The following NAA35 variants were observed in gnomAD, a reference collection of about 807,000 sequenced individuals.
The protein encoded by NAA35 is N-alpha-acetyltransferase 35, NatC auxiliary subunit, also known as MAK10 homolog, amino-acid N-acetyltransferase subunit.
In NAA35, 18 loss-of-function variants were observed where a neutral mutation model predicts 101.7. That is an observed-to-expected ratio of 0.18 (90% CI 0.12 to 0.26). The LOEUF is 0.26. Among genes scored for constraint, NAA35 ranks in the 10% least tolerant of loss-of-function variants. NAA35 has a pLI of 1.00. For missense variants in NAA35, 601 were observed against 886.8 expected, an observed-to-expected ratio of 0.68 and a Z score of 4.09; for synonymous variants, 267 against 273.1, an observed-to-expected ratio of 0.98 and a Z score of 0.22.
rs375174629 is a variant in NAA35, at chr9:86,004,215, G to A, written c.1116+571G>A. 2.0e-5 allele frequency among the ~76,000 whole-genome samples: 3 copies of A among 152,050 alleles called. No homozygotes were observed. The East Asian group carries it at 5.8e-4, about 29-fold the overall frequency. On this transcript the variant is annotated intron_variant, in intron 13 of 22. Transcript: ENST00000361671. ...CGCCTCCCGGGTTCAAGTGATTCTT[G>A]TGCCTCAGCCTATCAAGTAGCTGGG...
chr9:85,941,199 C>G lies in NAA35; in HGVS notation c.-80C>G. 4.1e-6 allele frequency: 4 copies of G among 986,744 alleles called. No homozygotes were observed. The highest frequency in any genetic ancestry group is 4.8e-6 in the Non-Finnish European group (4 of 830,856). 61.1% of individuals were successfully genotyped at this position (986,744 alleles called of 1,614,324 possible). On this transcript the variant is annotated 5_prime_UTR_variant, in exon 1 of 23. Transcript: ENST00000361671. Reference sequence around the variant, plus strand: ...GCTGGGCTGAGAGGGGAGGGGGCGGCGGCGGCCGAGGCGGCGTCGTTATTT... The same window carrying G: ...GCTGGGCTGAGAGGGGAGGGGGCGGGGGCGGCCGAGGCGGCGTCGTTATTT...
At chr9:85,991,803 T>C (rs1587628367) in intron 11 of NAA35, among the ~76,000 whole-genome samples, 1 of 152,254 alleles carries the variant, frequency 6.6e-6, no homozygotes. Context: ...TTTATAAATG[T>C]GATTGTTAAG....
Position 86,022,726 on chromosome 9 carries a change from G to A in NAA35, c.*766G>A, listed in dbSNP as rs1472425606. On this transcript the variant is annotated 3_prime_UTR_variant, in exon 23 of 23. Coordinates refer to ENST00000361671, the MANE Select transcript of NAA35 (RefSeq NM_024635.4). ...TTTAACCCATGAAACATTTTCAAATGGGTGTCTGTTCAGTATCCTCTGGCT... is the reference window on the plus strand; with the variant it reads ...TTTAACCCATGAAACATTTTCAAATAGGTGTCTGTTCAGTATCCTCTGGCT... Among the ~76,000 whole-genome samples, 3 of 152,156 alleles carry A rather than the reference G, an allele frequency of 2.0e-5. No homozygotes were observed. Among genetic ancestry groups the A allele is most frequent in the Non-Finnish European group, 4.4e-5 (3 of 68,018 alleles).
At chr9:85,974,852 C>G (rs753990207) in intron 6 of NAA35, 115 bp from the exon 7 acceptor site, 14 of 727,812 alleles carry the variant, frequency 1.9e-5, no homozygotes, top group Middle Eastern at 7.8e-4. Context: ...CCTCCCATTT[C>G]TCTTTGTTTA....
intron 11 of NAA35, among the ~76,000 whole-genome samples, chr9:85,987,549 T>C (rs1320146787): frequency 6.6e-6 from 1 of 152,212 alleles, no homozygotes; most frequent in Non-Finnish European, 1.5e-5. Context: ...AGTTCAAAAT[T>C]TTTTCTGTTT....
intron 2 of NAA35, among the ~76,000 whole-genome samples, chr9:85,946,570 T>G (rs750792229): frequency 1.3e-5 from 2 of 152,190 alleles, no homozygotes; most frequent in Non-Finnish European, 2.9e-5. Context: ...TGGCTTAGTT[T>G]AAGCTTCTCC....
intron 5 of NAA35, among the ~76,000 whole-genome samples, chr9:85,960,939 G>GTGAAAA (rs1271894821): frequency 6.6e-6 from 1 of 152,190 alleles, no homozygotes; most frequent in Admixed American, 6.5e-5. Flanking sequence ...GCATGACAAT[G>GTGAAAA]TGAAAATGTT....
rs371608105 is a variant in NAA35 at position 85,975,162 on chromosome 9, A to T, written c.627+5A>T. 1.2e-6 allele frequency: 2 copies of T among 1,612,342 alleles called. No homozygotes were observed. Among genetic ancestry groups the T allele is most frequent in the Non-Finnish European group, 1.7e-6 (2 of 1,179,414 alleles). On this transcript the variant is annotated splice_donor_5th_base_variant and intron_variant, in intron 8 of 22. Coordinates refer to ENST00000361671, the MANE Select transcript of NAA35 (RefSeq NM_024635.4). ...GACATGCAAAGAAGAGTAAAGGTAT[A>T]TATGTTTTCTGTTTGGTGTGGGGTT... is the stretch of plus-strand genomic sequence containing the variant.
intron 22 of NAA35, 90 bp downstream of exon 22, chr9:86,021,059 A>AT: frequency 5.4e-6 from 5 of 924,464 alleles, no homozygotes; most frequent in Non-Finnish European, 8.0e-6. Context: ...TACAGGAAAA[A>AT]TTAAACCACT....
chr9:86,016,620 A>G lies in NAA35; in HGVS notation c.1650A>G (p.Ile550Met). The G allele has an allele frequency of 6.2e-7, 1 of 1,614,046 alleles. No homozygotes were observed. Residue 550 changes from isoleucine (I) to methionine (M), a missense_variant, in exon 18 of 23, where the codon ATA (isoleucine) becomes ATG (methionine). By Grantham distance (10) the Ile-to-Met change is conservative (BLOSUM62 1). Around this residue, in one of 8 missense-constraint regions of NAA35, gnomAD observed 99 missense variants for 206.7 expected, o/e 0.48. Transcript: ENST00000361671. ...ADGSQMAEER[I>M]MEEQQKGRSS... ...GCTCTCAAATGGCAGAGGAAAGGAT[A>G]ATGGAAGAGCAGCAGAAAGGCCGTA...
At chr9:85,969,214 G>A (rs1362558020) in intron 6 of NAA35, among the ~76,000 whole-genome samples, 1 of 150,740 alleles carries the variant, frequency 6.6e-6, no homozygotes, top group African/African-American at 2.4e-5. Context: ...TTTGCTTGGT[G>A]GAATATTTCC....
chr9:85,965,353 A>C (rs902605210), intron 6 of NAA35, among the ~76,000 whole-genome samples: 4 of 152,222 alleles, frequency 2.6e-5, no homozygotes, highest in Non-Finnish European at 5.9e-5. Context: ...CTGGCCAGGC[A>C]TGGTGGCTCA....
intron 13 of NAA35, among the ~76,000 whole-genome samples, chr9:86,005,937 C>T (rs559631551): frequency 1.8e-4 from 27 of 151,764 alleles, no homozygotes; most frequent in African/African-American, 4.6e-4. Flanking sequence ...CTTTGGGAGG[C>T]GGAGGTGGTT....
At position 85,963,712 on chromosome 9, in the gene NAA35, T is replaced by A. The variant is rs141620453; in HGVS notation, c.516+1532T>A. The stretch of plus-strand genomic sequence containing the variant: ...TAAAAAGATTAGTTTGAGTTAGAGA[T>A]ATACAGATTATTTTAAATACTAGTA... On this transcript the variant is annotated intron_variant, in intron 6 of 22. Transcript: ENST00000361671. 7.9e-3 allele frequency among the ~76,000 whole-genome samples: 1,202 copies of A among 152,292 alleles called. 12 individuals carry two copies. Among genetic ancestry groups the A allele is most frequent in the South Asian group, 0.034 (162 of 4,830 alleles).
intron 13 of NAA35, 116 bp from the exon 14 acceptor site, chr9:86,007,242 A>G: frequency 1.5e-6 from 1 of 670,522 alleles, no homozygotes; most frequent in South Asian, 2.9e-5. Flanking sequence ...AAATTTTCAC[A>G]AACTTTTTAT....
rs759068397 is a variant in NAA35 at position 86,021,885 on chromosome 9, C to T, written c.2119-16C>T. 1.9e-5 allele frequency: 30 copies of T among 1,600,658 alleles called. No individual in the cohort carries two copies. The highest frequency in any genetic ancestry group is 1.2e-4 in the African/African-American group (9 of 74,754). ...ATTTGTAGATACATTAATTGAGTTT[C>T]GTTTTTCTTTAACAGGTTCCTCCTG... is the stretch of plus-strand genomic sequence containing the variant. On this transcript the variant is annotated splice_polypyrimidine_tract_variant and intron_variant, in intron 22 of 22. Coordinates refer to ENST00000361671, the MANE Select transcript of NAA35 (RefSeq NM_024635.4).
At chr9:86,016,011 A>G (rs1244992607) in intron 17 of NAA35, among the ~76,000 whole-genome samples, 1 of 151,674 alleles carries the variant, frequency 6.6e-6, no homozygotes, top group Admixed American at 6.6e-5. Context: ...TGAAATGCAT[A>G]TATATTTTTA....
At chr9:86,012,983 T>A in intron 15 of NAA35, 63 bp from the exon 16 acceptor site, 1 of 1,143,506 alleles carries the variant, frequency 8.7e-7, no homozygotes, top group East Asian at 2.5e-5. Context: ...ACTTGGAATG[T>A]TAAGTTTCTT....
In NAA35 at chr9:85,999,923, G is replaced by T. The variant is rs566915449; in HGVS notation, c.1056+3346G>T. Among the ~76,000 whole-genome samples, 5 of 152,192 alleles carry T rather than the reference G, an allele frequency of 3.3e-5. No individual in the cohort carries two copies. The South Asian group carries it at 8.3e-4, about 25-fold the overall frequency. The stretch of plus-strand genomic sequence containing the variant: ...AGCATTTCGGTGTATTTTGTCATCT[G>T]GTTTTATATCTACATATAAACCCAT... On this transcript the variant is annotated intron_variant, in intron 12 of 22. Coordinates refer to ENST00000361671, the MANE Select transcript of NAA35 (RefSeq NM_024635.4).
Sources: allele counts gnomAD v4.1 joint callset (sites outside exome capture counted in the v4.1 genomes callset), GRCh38; gene constraint gnomAD v4.1.1; regional missense constraint gnomAD v4.1.1; transcripts MANE v1.5; gene names NCBI Gene and HGNC (gene_info 2026-07-23, HGNC 2026-07-21).